The following CWH43 variants were observed in gnomAD, a reference collection of about 807,000 sequenced individuals.
The protein encoded by CWH43 is PGAP2-interacting protein.
Under a neutral mutation model 85.7 loss-of-function variants are expected in CWH43, and 91 were observed. The observed-to-expected ratio is 1.06, with a 90% CI of 0.90 to 1.26. CWH43 has a LOEUF of 1.26. Ranked by LOEUF, CWH43 falls within the 50% of genes most tolerant of loss-of-function variation. The pLI, the probability that CWH43 is intolerant of heterozygous loss-of-function variation, is 0.00. For missense variants in CWH43, 869 were observed against 839.2 expected (o/e 1.04, Z -0.44); for synonymous variants, 323 against 293.6 (o/e 1.10, Z -1.02).
chr4:49,040,104 C>T (rs1463098656), intron 13 of CWH43, among the ~76,000 whole-genome samples: 1 of 152,120 alleles, frequency 6.6e-6, no homozygotes, highest in African/African-American at 2.4e-5. Flanking sequence ...CATAGTATTC[C>T]ATGGTGTATA....
At chr4:49,045,136 G>A (rs548416875) in intron 14 of CWH43, among the ~76,000 whole-genome samples, 67 of 152,236 alleles carry the variant, frequency 4.4e-4, no homozygotes, top group Non-Finnish European at 8.1e-4. Context: ...ACACATGGGA[G>A]GAATGGCACC....
intron 8 of CWH43, among the ~76,000 whole-genome samples, chr4:49,007,951 T>C (rs1448856171): frequency 6.6e-6 from 1 of 152,244 alleles, no homozygotes; most frequent in Non-Finnish European, 1.5e-5. Context: ...TGTATCTTTA[T>C]AGTAGCATGA....
At chr4:49,037,362 G>C (rs1034826200) in intron 12 of CWH43, among the ~76,000 whole-genome samples, 5 of 152,154 alleles carry the variant, frequency 3.3e-5, no homozygotes, top group Non-Finnish European at 1.5e-5. Flanking sequence ...TTGAGGCCAG[G>C]AATTCAAGAC....
chr4:49,023,907 C>G (rs1783825393), intron 9 of CWH43, among the ~76,000 whole-genome samples: 1 of 152,158 alleles, frequency 6.6e-6, no homozygotes, highest in African/African-American at 2.4e-5. Context: ...TGTTGACTTT[C>G]TATCTTGATG....
At chr4:49,058,538 G>A (rs1006134532) in intron 15 of CWH43, among the ~76,000 whole-genome samples, 6 of 152,108 alleles carry the variant, frequency 3.9e-5, no homozygotes, top group African/African-American at 1.4e-4. Flanking sequence ...TTCTGAATTT[G>A]ATTCTATTAT....
chr4:49,014,656 C>A lies in CWH43; in HGVS notation c.1187-2593C>A, dbSNP rs138267863. ...CAATTCTTTAATTCACTTATCAAAT[C>A]GAGGCATTTGGAACAGTTTATTTAC... is the stretch of plus-strand genomic sequence containing the variant. On this transcript the variant is annotated intron_variant, in intron 8 of 15. Transcript: ENST00000226432. Among the ~76,000 whole-genome samples the A allele has an allele frequency of 7.2e-3, 1,095 of 151,434 alleles. 15 individuals carry two copies. Among genetic ancestry groups the A allele is most frequent in the African/African-American group, 0.025 (1,038 of 41,258 alleles).
At chr4:49,058,534 A>C (rs887714162) in intron 15 of CWH43, among the ~76,000 whole-genome samples, 8 of 152,180 alleles carry the variant, frequency 5.3e-5, no homozygotes, top group African/African-American at 9.7e-5. Flanking sequence ...TGTTTTCTGA[A>C]TTTGATTCTA....
rs779492310 is a variant in CWH43, at chr4:49,050,857, C to T, written c.2021+8C>T. 1.9e-6 allele frequency: 3 copies of T among 1,606,386 alleles called. No homozygotes were observed. The highest frequency in any genetic ancestry group is 2.6e-6 in the Non-Finnish European group (3 of 1,175,204). The stretch of plus-strand genomic sequence containing the variant: ...AATTCATTTTAATCCCAGGTGAGTT[C>T]CTTTATGCTGTAGTTCCAGTTATGA... On this transcript the variant is annotated splice_region_variant and intron_variant, in intron 15 of 15. Transcript: ENST00000226432.
intron 6 of CWH43, chr4:49,003,472 C>T (rs1783056623): frequency 2.5e-6 from 1 of 404,064 alleles, no homozygotes; most frequent in East Asian, 3.9e-5. Context: ...CCTAAAAATA[C>T]CCTTTTCACT....
At chr4:49,012,365 C>T (rs1364066741) in intron 8 of CWH43, among the ~76,000 whole-genome samples, 1 of 152,160 alleles carries the variant, frequency 6.6e-6, no homozygotes, top group African/African-American at 2.4e-5. Flanking sequence ...TCTAGTTAGC[C>T]ATTCGTCTAA....
chr4:49,008,039 A>G (rs944232140), intron 8 of CWH43, among the ~76,000 whole-genome samples: 8 of 152,218 alleles, frequency 5.3e-5, no homozygotes, highest in African/African-American at 1.9e-4. Flanking sequence ...TCCTTGAGGA[A>G]TCACCACACT....
intron 8 of CWH43, among the ~76,000 whole-genome samples, chr4:49,015,023 C>T (rs1783495505): frequency 6.6e-6 from 1 of 152,138 alleles, no homozygotes; most frequent in Admixed American, 6.6e-5. Flanking sequence ...ATCCCCTGTG[C>T]CTCACCTAAT....
Position 48,998,472 on chromosome 4 carries a change from G to C in CWH43, c.726G>C (p.Leu242=). The change falls in exon 6 of 16, where the codon CTG becomes CTC. Residue 242 remains leucine (L), a synonymous_variant. Transcript: ENST00000226432. ...TCCTTTTTCACAGAGGTGCAGTACT[G>C]CTGTGCTTGGCAAGTGGATTGATGC... ...PDPNPFGGAV[L]LCLASGLMLP... 6.2e-7 allele frequency: 1 copy of C among 1,613,476 alleles called. No homozygotes were observed. The highest frequency in any genetic ancestry group is 8.5e-7 in the Non-Finnish European group (1 of 1,179,462).
At chr4:48,993,554 T>G (rs1291236842) in intron 4 of CWH43, among the ~76,000 whole-genome samples, 2 of 152,152 alleles carry the variant, frequency 1.3e-5, no homozygotes, top group Non-Finnish European at 2.9e-5. Flanking sequence ...CCCAATAGGC[T>G]CTCTCTGTTT....
intron 15 of CWH43, among the ~76,000 whole-genome samples, chr4:49,060,946 T>A (rs924284122): frequency 3.3e-5 from 5 of 152,220 alleles, no homozygotes; most frequent in African/African-American, 1.2e-4. Context: ...CTAATCTGAT[T>A]CTTTCATCCA....
rs71600797 is a variant in CWH43, at chr4:49,039,306, GATATATATATATATAT to G, written c.1803+1138_1803+1153del. Among the ~76,000 whole-genome samples, 23 of 4,602 alleles carry G rather than the reference GATATATATATATATAT, an allele frequency of 5.0e-3. 6 individuals carry two copies. Among genetic ancestry groups the G allele is most frequent in the Non-Finnish European group, 6.1e-3 (10 of 1,638 alleles). 3.0% of individuals were successfully genotyped at this position (4,602 alleles called of 152,430 possible). On this transcript the variant is annotated intron_variant, in intron 13 of 15. Coordinates refer to ENST00000226432, the MANE Select transcript of CWH43 (RefSeq NM_025087.3). ...ACACAAATCAAATTCTCAGGAGACT[GATATATATATATATAT>G]ATATATATATACTGATGTATATATA...
intron 13 of CWH43, among the ~76,000 whole-genome samples, chr4:49,043,585 T>C (rs574764690): frequency 6.6e-6 from 1 of 152,334 alleles, no homozygotes; most frequent in African/African-American, 2.4e-5. Flanking sequence ...CATCAATGCT[T>C]GGATGAACAG....
At chr4:49,050,145 T>C (rs1478442273) in intron 14 of CWH43, among the ~76,000 whole-genome samples, 1 of 152,240 alleles carries the variant, frequency 6.6e-6, no homozygotes, top group Non-Finnish European at 1.5e-5. Context: ...TTGTTCATGG[T>C]TCCCCGTGTT....
At chr4:49,007,031 C>T (rs1476295102) in intron 7 of CWH43, 170 bp from the exon 8 acceptor site, 3 of 630,032 alleles carry the variant, frequency 4.8e-6, no homozygotes, top group Admixed American at 4.1e-5. Flanking sequence ...CTGATATTTT[C>T]CAGTTATCAA....
Sources: allele counts gnomAD v4.1 joint callset (sites outside exome capture counted in the v4.1 genomes callset), GRCh38; gene constraint gnomAD v4.1.1; transcripts MANE v1.5; gene names NCBI Gene and HGNC (gene_info 2026-07-23, HGNC 2026-07-21).